Variants in SYP observed in about 807,000 individuals in gnomAD.
SYP encodes major synaptic vesicle protein P38.
Under a neutral mutation model 24.3 loss-of-function variants are expected in SYP, and 2 were observed. The observed-to-expected ratio is 0.08, with a 90% CI of 0.03 to 0.26. The LOEUF (loss-of-function observed/expected upper bound fraction) is 0.26, where lower values mean the gene tolerates loss of function less well. Ranked by LOEUF, SYP falls within the 10% of genes least tolerant of loss-of-function variation. SYP has a pLI of 1.00. For missense variants in SYP, 216 were observed against 266.3 expected, an observed-to-expected ratio of 0.81 and a Z score of 1.32; for synonymous variants, 143 against 123.2, an observed-to-expected ratio of 1.16 and a Z score of -1.07.
Position 49,193,449 on chromosome X carries a change from C to G in SYP, c.438G>C (p.Thr146=). 1 of 1,211,837 alleles carries G rather than the reference C, an allele frequency of 8.3e-7. No homozygotes were observed. The highest frequency in any genetic ancestry group is 1.1e-6 in the Non-Finnish European group (1 of 895,380). The part of the protein sequence containing the change: ...NKGPMLDFLA[T]AVFAFMWLVS... ...CTAGCCACATGAAGGCGAACACAGC[C>G]GTGGCCAGAAAGTCCTAAGGCAGGC... The change falls in exon 5 of 7, where the codon ACG becomes ACC. Residue 146 remains threonine (T), a synonymous_variant. Transcript: ENST00000263233.
intron 6 of SYP, chrX:49,190,868 G>A (rs3817678): frequency 0.52 from 59,121 of 114,473 alleles, 12,573 homozygotes; most frequent in Non-Finnish European, 0.67. Context: ...ACCTTTCCAG[G>A]ACCCCACCCT....
In SYP at chrX:49,198,954, C is replaced by G. The variant is rs368552216; in HGVS notation, c.102+14G>C. On this transcript the variant is annotated intron_variant, in intron 2 of 6. Coordinates refer to ENST00000263233, the MANE Select transcript of SYP (RefSeq NM_003179.3). Reference sequence around the variant, plus strand: ...CTCCCTGCACTCTGCCCCAACAGCCCGGACCACACTCACCCATTGCAGCAC... The same window carrying G: ...CTCCCTGCACTCTGCCCCAACAGCCGGGACCACACTCACCCATTGCAGCAC... The G allele has an allele frequency of 3.3e-6, 4 of 1,208,701 alleles. No homozygotes were observed. In the African/African-American group the frequency reaches 5.3e-5, roughly 16 times the overall value.
rs1209768222 is a variant in SYP, at chrX:49,192,301, TCTC to T, written c.616-541_616-539del. ...CCTTCGCCTCCCGGGTTCAAGCAAT[TCTC>T]CTGCCTCAGCCTCCCGAGTAGCTGG... On this transcript the variant is annotated intron_variant, in intron 5 of 6. Coordinates refer to ENST00000263233, the MANE Select transcript of SYP (RefSeq NM_003179.3). Among the ~76,000 whole-genome samples the T allele has an allele frequency of 3.6e-5, 4 of 111,711 alleles. No individual in the cohort carries two copies. In the East Asian group the frequency reaches 1.1e-3, roughly 31 times the overall value.
At chrX:49,198,711 C>T in intron 2 of SYP, 1 of 398,188 alleles carries the variant, frequency 2.5e-6, no homozygotes, top group East Asian at 4.0e-5. Context: ...CCACCCCTCC[C>T]TCACTTCAAG....
chrX:49,195,271 G>A (rs1557103289), intron 3 of SYP, among the ~76,000 whole-genome samples: 1 of 109,645 alleles, frequency 9.1e-6, no homozygotes, highest in Non-Finnish European at 1.9e-5. Flanking sequence ...CCCTGGAACA[G>A]TGCTGGCACC....
chrX:49,196,889 C>CTT (rs1385764383), intron 3 of SYP: 1 of 112,253 alleles, frequency 8.9e-6, no homozygotes, highest in African/African-American at 3.2e-5. Context: ...ATTCTATTCT[C>CTT]TACCATAAAA....
intron 5 of SYP, 132 bp from the exon 6 acceptor site, chrX:49,191,895 G>T: frequency 1.4e-6 from 1 of 735,278 alleles, no homozygotes; most frequent in South Asian, 2.4e-5. Flanking sequence ...GACTCTCTGA[G>T]TCCCAGTGCG....
chrX:49,194,431 G>A, intron 3 of SYP, 70 bp from the exon 4 acceptor site: 1 of 1,071,126 alleles, frequency 9.3e-7, no homozygotes, highest in South Asian at 1.9e-5. Flanking sequence ...CCAATCATGG[G>A]TCCCCCCATT....
chrX:49,198,869 C>T, intron 2 of SYP, 99 bp downstream of exon 2: 1 of 992,050 alleles, frequency 1.0e-6, no homozygotes, highest in Admixed American at 2.5e-5. Flanking sequence ...CCCCCGCACT[C>T]ATCCCTGGCT....
At chrX:49,194,431 G>T in intron 3 of SYP, 70 bp from the exon 4 acceptor site, 1 of 1,071,126 alleles carries the variant, frequency 9.3e-7, no homozygotes, top group Non-Finnish European at 1.3e-6. Context: ...CCAATCATGG[G>T]TCCCCCCATT....
chrX:49,195,548 G>T (rs2065525933), intron 3 of SYP, among the ~76,000 whole-genome samples: 1 of 111,103 alleles, frequency 9.0e-6, no homozygotes, highest in Non-Finnish European at 1.9e-5. Context: ...GAGGGTAAAG[G>T]GATCTTGGAA....
intron 5 of SYP, 61 bp downstream of exon 5, chrX:49,193,211 T>G: frequency 8.6e-7 from 1 of 1,164,066 alleles, no homozygotes; most frequent in South Asian, 1.8e-5. Flanking sequence ...ACTCCACCAC[T>G]CCCCATGCCG....
At chrX:49,189,396 G>A (rs1202181381) in intron 6 of SYP, 114 bp from the exon 7 acceptor site, 1 of 110,291 alleles carries the variant, frequency 9.1e-6, no homozygotes, top group Non-Finnish European at 1.9e-5. Context: ...TTCTTTCCTG[G>A]AGCCAGCTTC....
At position 49,197,540 on chromosome X, in the gene SYP, A is replaced by C. The variant is rs977837812; in HGVS notation, c.227+175T>G. ...ACAGCCTATGTCTGCCTTGCTCACCACATAGTCCTAGAGTCCAGAGCAGTG... is the reference window on the plus strand; with the variant it reads ...ACAGCCTATGTCTGCCTTGCTCACCCCATAGTCCTAGAGTCCAGAGCAGTG... On this transcript the variant is annotated intron_variant, in intron 3 of 6. Transcript: ENST00000263233. 8.9e-6 allele frequency: 6 copies of C among 672,452 alleles called. No homozygotes were observed. The African/African-American group carries it at 1.3e-4, about 15-fold the overall frequency. 55.4% of individuals were successfully genotyped at this position (672,452 alleles called of 1,213,427 possible). A position where few individuals can be genotyped will look rare whatever the true frequency, so the allele number is the denominator to read the frequency against.
At chrX:49,199,671 A>G (rs1250926162) in intron 1 of SYP, among the ~76,000 whole-genome samples, 1 of 96,564 alleles carries the variant, frequency 1.0e-5, no homozygotes, top group Non-Finnish European at 2.0e-5. Context: ...GTAAAACCGG[A>G]TTGTCCCCTA....
Position 49,188,562 on chromosome X carries a change from A to T in SYP, c.*725T>A, listed in dbSNP as rs974240592. On this transcript the variant is annotated 3_prime_UTR_variant, in exon 7 of 7. Coordinates refer to ENST00000263233, the MANE Select transcript of SYP (RefSeq NM_003179.3). ...CACCCTTTCCATAGGCTCTGGTACC[A>T]ATCCAAGACCCACCTACTCTGGAGC... 1 of 110,700 alleles carries T rather than the reference A, an allele frequency of 9.0e-6. No individual in the cohort carries two copies. Among genetic ancestry groups the T allele is most frequent in the African/African-American group, 3.3e-5 (1 of 30,299 alleles). The allele number at this position is 110,700 out of a possible 1,213,427, so 9.1% of individuals were successfully genotyped here. A position where few individuals can be genotyped will look rare whatever the true frequency, so the allele number is the denominator to read the frequency against.
At chrX:49,194,005 C>T (rs7061766) in intron 4 of SYP, among the ~76,000 whole-genome samples, 161 bp downstream of exon 4, 5,100 of 110,022 alleles carry the variant, frequency 0.046, 323 homozygotes, top group African/African-American at 0.16. Context: ...GTCCCGGATG[C>T]CTGGTGTGGA....
chrX:49,197,960 C>T, intron 2 of SYP, 121 bp from the exon 3 acceptor site: 1 of 974,896 alleles, frequency 1.0e-6, no homozygotes, highest in Non-Finnish European at 1.4e-6. Context: ...GTCCCCACCC[C>T]CACCCCCTAA....
intron 6 of SYP, among the ~76,000 whole-genome samples, chrX:49,189,951 T>C (rs931611575): frequency 1.8e-5 from 2 of 111,382 alleles, no homozygotes; most frequent in Non-Finnish European, 3.8e-5. Context: ...GAGATGACAG[T>C]GGAAGATGAA....
Sources: gnomAD v4.1 joint callset for allele counts (sites outside exome capture counted in the v4.1 genomes callset) on GRCh38, gnomAD v4.1.1 for gene constraint, MANE v1.5 for transcripts, NCBI Gene and HGNC (gene_info 2026-07-23, HGNC 2026-07-21) for gene names.